Variants in HSPD1 observed in about 807,000 individuals in gnomAD.
HSPD1 encodes 60 kDa heat shock protein, mitochondrial.
A neutral mutation model predicts 53.0 loss-of-function variants in HSPD1; 3 were observed. The observed-to-expected ratio is 0.06, with a 90% confidence interval of 0.03 to 0.15. The LOEUF is 0.15. Ranked by LOEUF, HSPD1 falls within the 10% of genes least tolerant of loss-of-function variation. The pLI is 1.00. For synonymous variants in HSPD1, 200 were observed against 228.0 expected (o/e 0.88, Z 1.10); for missense variants, 431 against 694.1 (o/e 0.62, Z 4.26).
At chr2:197,495,021 T>C in intron 4 of HSPD1, 2 of 596,746 alleles carry the variant, frequency 3.4e-6, no homozygotes, top group Non-Finnish European at 6.0e-6. Context: ...CTGACAAAAC[T>C]TATGCACCTT....
chr2:197,495,319 A>C lies in HSPD1; in HGVS notation c.485T>G (p.Val162Gly). Residue 162 changes from valine (V) to glycine (G), a missense_variant, in exon 4 of 12, where the codon GTG (valine) becomes GGG (glycine). By Grantham distance (109) the Val-to-Gly change is moderately radical. This residue lies in a region of HSPD1 where 386 missense variants were observed against 657.6 expected (regional missense o/e 0.59). Transcript: ENST00000388968. ...IAELKKQSKP[V>G]TTPEEIAQVA... The stretch of plus-strand genomic sequence containing the variant: ...CTGTGCAATTTCTTCAGGGGTGGTC[A>C]CAGGTTTAGACTGCTTTTTAAGTTC... 1 of 1,610,090 alleles carries C rather than the reference A, an allele frequency of 6.2e-7. No individual in the cohort carries two copies. Among genetic ancestry groups the C allele is most frequent in the Non-Finnish European group, 8.5e-7 (1 of 1,176,456 alleles).
chr2:197,494,840 T>G, intron 4 of HSPD1, 88 bp from the exon 5 acceptor site: 1 of 851,150 alleles, frequency 1.2e-6, no homozygotes, highest in Non-Finnish European at 2.0e-6. Flanking sequence ...AACTTCCAAA[T>G]TGATACTTCC....
Position 197,488,989 on chromosome 2 carries a change from TAATG to T in HSPD1, c.1215+9_1215+12del. ...CAGAACCCAAGAAACTTATTCATAA[TAATG>T]AATGTTACCTTCAGCACAGCCACTC... On this transcript the variant is annotated intron_variant, in intron 9 of 11. Coordinates refer to ENST00000388968, the MANE Select transcript of HSPD1 (RefSeq NM_002156.5). 6.2e-7 allele frequency: 1 copy of T among 1,613,904 alleles called. No individual in the cohort carries two copies. Among genetic ancestry groups the T allele is most frequent in the Non-Finnish European group, 8.5e-7 (1 of 1,179,802 alleles).
intron 11 of HSPD1, 61 bp downstream of exon 11, chr2:197,487,797 G>A: frequency 1.5e-6 from 2 of 1,367,278 alleles, no homozygotes; most frequent in Non-Finnish European, 2.1e-6. Flanking sequence ...GATTTGGGAT[G>A]TGAGGATACA....
Position 197,486,638 on chromosome 2 carries a change from TCTA to T in HSPD1, c.*405_*407del. The T allele has an allele frequency of 4.1e-6, 1 of 241,512 alleles. No individual in the cohort carries two copies. 15.0% of individuals were successfully genotyped at this position (241,512 alleles called of 1,614,324 possible). On this transcript the variant is annotated 3_prime_UTR_variant, in exon 12 of 12. Coordinates refer to ENST00000388968, the MANE Select transcript of HSPD1 (RefSeq NM_002156.5). ...AGGTTGTCACATAATTGGATACTTCTCTACTTTGTACACAATTATTCTCACTCT... is the reference window on the plus strand; with the variant it reads ...AGGTTGTCACATAATTGGATACTTCTCTTTGTACACAATTATTCTCACTCT...
intron 7 of HSPD1, chr2:197,490,715 C>T (rs2086081179): frequency 4.2e-6 from 1 of 238,606 alleles, no homozygotes; most frequent in Non-Finnish European, 8.3e-6. Flanking sequence ...CTGTAATCCC[C>T]ACTACTCAGG....
intron 1 of HSPD1, chr2:197,499,132 A>T: frequency 3.9e-6 from 2 of 509,318 alleles, no homozygotes; most frequent in East Asian, 3.7e-5. Context: ...AAAACGAGTT[A>T]ATCTTTCACC....
rs1176596754 is a variant in HSPD1, at chr2:197,499,061, C to CTA, written c.-2-213_-2-212dup. Reference sequence around the variant, plus strand: ...GAGGCCGCCCCGGCCGGCGCCTGACCTATAGCACCAGCACAAAGCACATGC... The same window carrying CTA: ...GAGGCCGCCCCGGCCGGCGCCTGACCTATATAGCACCAGCACAAAGCACATGC... On this transcript the variant is annotated intron_variant, in intron 1 of 11. Coordinates refer to ENST00000388968, the MANE Select transcript of HSPD1 (RefSeq NM_002156.5). The CTA allele has an allele frequency of 1.6e-5, 10 of 621,142 alleles. No individual in the cohort carries two copies. The Admixed American group carries it at 2.3e-4, about 14-fold the overall frequency. The allele number at this position is 621,142 out of a possible 1,614,324, so 38.5% of individuals were successfully genotyped here. A position where few individuals can be genotyped will look rare whatever the true frequency, so the allele number is the denominator to read the frequency against.
rs1255925300 is a variant in HSPD1 at position 197,493,460 on chromosome 2, G to C, written c.733C>G (p.Leu245Val). ...QKCEFQDAYV[L>V]LSEKKISSIQ... ...CTAGAAATTTTCTTTTCACTCAACAGAACATAGGCATCCTGGAATTCACAT... is the reference window on the plus strand; with the variant it reads ...CTAGAAATTTTCTTTTCACTCAACACAACATAGGCATCCTGGAATTCACAT... Residue 245 changes from leucine to valine, a missense_variant, in exon 7 of 12, where the codon CTG becomes GTG. Physicochemically the swap from Leu to Val is conservative, Grantham distance 32. Transcript: ENST00000388968. 2 of 1,612,488 alleles carry C rather than the reference G, an allele frequency of 1.2e-6. No individual in the cohort carries two copies. The highest frequency in any genetic ancestry group is 1.3e-5 in the African/African-American group (1 of 74,872).
intron 1 of HSPD1, chr2:197,499,574 C>G (rs1474366371): frequency 6.6e-6 from 1 of 152,470 alleles, no homozygotes; most frequent in East Asian, 1.9e-4. Context: ...GTCCCTCCCG[C>G]GCCCAGCCGA....
rs372742274 is a variant in HSPD1 at position 197,490,340 on chromosome 2, G to A, written c.870-44C>T. ...AGTAAGATTTAAATGAAATAAAAATGCCTATCTGTTTAATTCCCCTCAAGC... is the reference window on the plus strand; with the variant it reads ...AGTAAGATTTAAATGAAATAAAAATACCTATCTGTTTAATTCCCCTCAAGC... On this transcript the variant is annotated intron_variant, in intron 7 of 11. Coordinates refer to ENST00000388968, the MANE Select transcript of HSPD1 (RefSeq NM_002156.5). 27 of 1,423,472 alleles carry A rather than the reference G, an allele frequency of 1.9e-5. No individual in the cohort carries two copies. The African/African-American group carries it at 3.8e-4, about 20-fold the overall frequency. The allele number at this position is 1,423,472 out of a possible 1,614,324, so 88.2% of individuals were successfully genotyped here.
intron 7 of HSPD1, 183 bp from the exon 8 acceptor site, chr2:197,490,479 A>G (rs1246286468): frequency 9.9e-6 from 6 of 608,014 alleles, no homozygotes; most frequent in Non-Finnish European, 5.8e-6. Flanking sequence ...AGTATCTGAG[A>G]CAGTTTAGGC....
intron 3 of HSPD1, chr2:197,496,872 T>C (rs771013382): frequency 3.6e-4 from 165 of 457,706 alleles, no homozygotes; most frequent in Non-Finnish European, 6.0e-4. Flanking sequence ...GGAGTTCCAG[T>C]GCAGTCCAGC....
chr2:197,494,638 A>T lies in HSPD1; in HGVS notation c.606+19T>A. 3 of 1,485,078 alleles carry T rather than the reference A, an allele frequency of 2.0e-6. No individual in the cohort carries two copies. Among genetic ancestry groups the T allele is most frequent in the Non-Finnish European group, 2.8e-6 (3 of 1,063,046 alleles). 92.0% of individuals were successfully genotyped at this position (1,485,078 alleles called of 1,614,324 possible). On this transcript the variant is annotated intron_variant, in intron 5 of 11. Transcript: ENST00000388968. ...ATAAGATAACTCAAAATTATCTTTAAAAATACAAACACACTTGCCTTTACT... is the reference window on the plus strand; with the variant it reads ...ATAAGATAACTCAAAATTATCTTTATAAATACAAACACACTTGCCTTTACT...
At chr2:197,490,903 G>T (rs1467398796) in intron 7 of HSPD1, among the ~76,000 whole-genome samples, 1 of 152,114 alleles carries the variant, frequency 6.6e-6, no homozygotes, top group East Asian at 1.9e-4. Flanking sequence ...TTTTATAAAT[G>T]TTATACAAAA....
intron 8 of HSPD1, among the ~76,000 whole-genome samples, chr2:197,489,890 A>G (rs749630456): frequency 3.3e-5 from 5 of 152,052 alleles, no homozygotes; most frequent in Non-Finnish European, 7.4e-5. Flanking sequence ...ATTTAAGTCA[A>G]TAAGAATAGT....
At chr2:197,493,578 C>T in intron 6 of HSPD1, 86 bp from the exon 7 acceptor site, 1 of 957,600 alleles carries the variant, frequency 1.0e-6, no homozygotes, top group East Asian at 2.5e-5. Context: ...TTCCAATACA[C>T]TTTAAAATTC....
Position 197,496,892 on chromosome 2 carries a change from A to G in HSPD1, c.427+248T>C, listed in dbSNP as rs188264614. On this transcript the variant is annotated intron_variant, in intron 3 of 11. Coordinates refer to ENST00000388968, the MANE Select transcript of HSPD1 (RefSeq NM_002156.5). ...TCCAGTGCAGTCCAGCCTGGGCTACAGAGCAAGACCCTGTCTCTAAAAACA... is the reference window on the plus strand; with the variant it reads ...TCCAGTGCAGTCCAGCCTGGGCTACGGAGCAAGACCCTGTCTCTAAAAACA... 25 of 497,224 alleles carry G rather than the reference A, an allele frequency of 5.0e-5. No individual in the cohort carries two copies. In the Admixed American group the frequency reaches 8.1e-4, roughly 16 times the overall value. 30.8% of individuals were successfully genotyped at this position (497,224 alleles called of 1,614,324 possible).
In HSPD1 at chr2:197,497,256, T is replaced by G; in HGVS notation, c.311A>C (p.Asn104Thr). ...GCCATCCCCAGCTTCTTCATTTGTG[T>G]TATTGGCAACATCTTGAACAAGTTT... ...GAKLVQDVAN[N>T]TNEEAGDGTT... is the part of the protein sequence containing the mutation. The change falls in exon 3 of 12, where the codon AAC (asparagine) becomes ACC (threonine). Residue 104 changes from asparagine (N) to threonine (T), a missense_variant. Physicochemically the swap from Asn to Thr is moderately conservative, Grantham distance 65. Coordinates refer to ENST00000388968, the MANE Select transcript of HSPD1 (RefSeq NM_002156.5). 1 of 1,614,190 alleles carries G rather than the reference T, an allele frequency of 6.2e-7. No individual in the cohort carries two copies. The highest frequency in any genetic ancestry group is 8.5e-7 in the Non-Finnish European group (1 of 1,179,984).
Sources: gnomAD v4.1 joint callset for allele counts (sites outside exome capture counted in the v4.1 genomes callset) on GRCh38, gnomAD v4.1.1 for gene constraint, gnomAD v4.1.1 regional missense constraint, MANE v1.5 for transcripts, NCBI Gene and HGNC (gene_info 2026-07-23, HGNC 2026-07-21) for gene names.